KIF12: variants seen among roughly 807,000 people sequenced by gnomAD.
KIF12 encodes kinesin family member 12, also known as kinesin-like protein KIF12.
Under a neutral mutation model 87.9 loss-of-function variants are expected in KIF12, and 80 were observed. That is an observed-to-expected ratio of 0.91 (90% CI 0.76 to 1.10). The LOEUF (loss-of-function observed/expected upper bound fraction) is 1.10. Among genes scored for constraint, KIF12 ranks in the 50% least tolerant of loss-of-function variants. KIF12 has a pLI of 0.00. For synonymous variants in KIF12, 353 were observed against 348.5 expected (o/e 1.01, Z -0.14); for missense variants, 819 against 865.3 (o/e 0.95, Z 0.67).
At chr9:114,093,664 T>C (rs1352722126) in intron 14 of KIF12, among the ~76,000 whole-genome samples, 167 bp from the exon 15 acceptor site, 2 of 152,166 alleles carry the variant, frequency 1.3e-5, no homozygotes, top group Non-Finnish European at 2.9e-5. Context: ...AACAAGCCTA[T>C]AAGTAGGCAC....
rs2134898059 is a variant in KIF12, at chr9:114,096,441, G to A, written c.684C>T (p.Asn228=). Residue 228 remains asparagine, a synonymous_variant, in exon 8 of 19, where the codon AAC becomes AAT. Transcript: ENST00000640217. The part of the protein sequence containing the change: ...SRRRNSAHTL[N]QASSRSHALL... Reference sequence around the variant, plus strand: ...GGGCATGGCTTCGGCTGGAGGCCTGGTTCAGGGTGTGGGCTGAGTTCCTTC... The same window carrying A: ...GGGCATGGCTTCGGCTGGAGGCCTGATTCAGGGTGTGGGCTGAGTTCCTTC... 1 of 1,612,858 alleles carries A rather than the reference G, an allele frequency of 6.2e-7. No individual in the cohort carries two copies. The highest frequency in any genetic ancestry group is 1.7e-4 in the Middle Eastern group (1 of 6,058).
rs564811653 is a variant in KIF12 at position 114,095,118 on chromosome 9, C to G, written c.1024G>C (p.Val342Leu). The G allele has an allele frequency of 1.9e-6, 3 of 1,606,494 alleles. No homozygotes were observed. The Admixed American group carries it at 5.0e-5, about 27-fold the overall frequency. ...GRGVTLMVACVSPSAQCLPET... is the reference protein window; with the variant it reads ...GRGVTLMVACLSPSAQCLPET... Reference sequence around the variant, plus strand: ...GGAAGGCACTGGGCTGAGGGGGACACGCAGGCCACCTGGGGAGTGCACTCC... The same window carrying G: ...GGAAGGCACTGGGCTGAGGGGGACAGGCAGGCCACCTGGGGAGTGCACTCC... Residue 342 changes from valine to leucine, a missense_variant, in exon 11 of 19, where the codon GTG becomes CTG. Transcript: ENST00000640217.
rs766089304 is a variant in KIF12 at position 114,096,718 on chromosome 9, AT to A, written c.647-241del. Among the ~76,000 whole-genome samples the A allele has an allele frequency of 1.6e-4, 24 of 152,100 alleles. 1 individual carries two copies. Among genetic ancestry groups the A allele is most frequent in the East Asian group, 9.6e-4 (5 of 5,186 alleles). On this transcript the variant is annotated intron_variant, in intron 7 of 18. Transcript: ENST00000640217. Reference sequence around the variant, plus strand: ...ACAGTCAGATTTGCATTTTATAAACATCTCTCCCACTGCTTCGTGAAAGGAA... The same window carrying A: ...ACAGTCAGATTTGCATTTTATAAACACTCTCCCACTGCTTCGTGAAAGGAA...
Position 114,095,062 on chromosome 9 carries a change from G to A in KIF12, c.1080C>T (p.Ser360=), listed in dbSNP as rs778963792. Residue 360 remains serine, a synonymous_variant, in exon 11 of 19, where the codon AGC becomes AGT. Coordinates refer to ENST00000640217, the MANE Select transcript of KIF12 (RefSeq NM_001388308.1). Reference sequence around the variant, plus strand: ...GTCGGGTGGTGACCCGCTGAGCTCGGCTTGCATATCGCAGGGTGCTGAGAG... The same window carrying A: ...GTCGGGTGGTGACCCGCTGAGCTCGACTTGCATATCGCAGGGTGCTGAGAG... ...PETLSTLRYA[S]RAQRVTTRPQ... 4.3e-6 allele frequency: 7 copies of A among 1,609,524 alleles called. No homozygotes were observed. The East Asian group carries it at 6.7e-5, about 15-fold the overall frequency.
In KIF12 at chr9:114,096,467, G is replaced by C. The variant is rs1428011980; in HGVS notation, c.658C>G (p.Arg220Gly). Residue 220 changes from arginine to glycine, a missense_variant, in exon 8 of 19, where the codon CGA becomes GGA. By Grantham distance (125) the Arg-to-Gly change is moderately radical. Coordinates refer to ENST00000640217, the MANE Select transcript of KIF12 (RefSeq NM_001388308.1). ...MELLQTGLSRRRNSAHTLNQA... is the reference protein window; with the variant it reads ...MELLQTGLSRGRNSAHTLNQA... ...TTCAGGGTGTGGGCTGAGTTCCTTC[G>C]ACGGCTGAGACCTGGAAGGGAAAAA... is the stretch of plus-strand genomic sequence containing the variant. 3 of 1,609,664 alleles carry C rather than the reference G, an allele frequency of 1.9e-6. No individual in the cohort carries two copies. Among genetic ancestry groups the C allele is most frequent in the Non-Finnish European group, 2.5e-6 (3 of 1,178,162 alleles).
intron 3 of KIF12, 24 bp from the exon 4 acceptor site, chr9:114,098,453 C>CGGGGCACTCTGGAGGAGGGA: frequency 7.1e-7 from 1 of 1,414,420 alleles, no homozygotes; most frequent in Non-Finnish European, 9.2e-7. Flanking sequence ...GGCGGAGGAG[C>CGGGGCACTCTGGAGGAGGGA]GGGGCACTCT....
At position 114,093,301 on chromosome 9, in the gene KIF12, G is replaced by C; in HGVS notation, c.1524C>G (p.Cys508Trp). 6.4e-7 allele frequency: 1 copy of C among 1,560,862 alleles called. No individual in the cohort carries two copies. Among genetic ancestry groups the C allele is most frequent in the Non-Finnish European group, 8.7e-7 (1 of 1,151,762 alleles). Residue 508 changes from cysteine (C) to tryptophan (W), a missense_variant, in exon 16 of 19, where the codon TGC (cysteine) becomes TGG (tryptophan). Transcript: ENST00000640217. Reference protein sequence around the residue: ...ALPPLYSCPCCHICPLCRVPL... With the variant: ...ALPPLYSCPCWHICPLCRVPL... Reference sequence around the variant, plus strand: ...GCACTCGACACAGTGGGCAGATGTGGCAGCAGGGGCAGGAGTAGAGGGGTG... The same window carrying C: ...GCACTCGACACAGTGGGCAGATGTGCCAGCAGGGGCAGGAGTAGAGGGGTG...
rs1397208885 is a variant in KIF12 at position 114,096,173 on chromosome 9, G to T, written c.773C>A (p.Pro258His). The part of the protein sequence containing the change: ...QQMPSVDPGE[P>H]PVGGKLCFVD... ...AAAGCACAGCTTCCCACCAACAGGGGGCTCCCCAGGGTCCACAGAAGGCAT... is the reference window on the plus strand; with the variant it reads ...AAAGCACAGCTTCCCACCAACAGGGTGCTCCCCAGGGTCCACAGAAGGCAT... Residue 258 changes from proline (P) to histidine (H), a missense_variant, in exon 9 of 19, where the codon CCC (proline) becomes CAC (histidine). Pro to His is a moderately conservative substitution (Grantham distance 77). Transcript: ENST00000640217. The T allele has an allele frequency of 3.7e-6, 6 of 1,613,936 alleles. No individual in the cohort carries two copies. The highest frequency in any genetic ancestry group is 5.1e-6 in the Non-Finnish European group (6 of 1,180,016).
intron 17 of KIF12, 33 bp downstream of exon 17, chr9:114,092,509 C>T (rs1554775244): frequency 3.1e-6 from 5 of 1,613,446 alleles, no homozygotes; most frequent in Non-Finnish European, 4.2e-6. Flanking sequence ...CAGACCACCC[C>T]TCTCTGACCT....
Position 114,092,108 on chromosome 9 carries a change from C to T in KIF12, c.1817-108G>A, listed in dbSNP as rs1286871202. ...GAAGCCTCAGGGGGTAGGTACCCTC[C>T]ACCCTTCCCCCCACCCCACCCCCAT... is the stretch of plus-strand genomic sequence containing the variant. On this transcript the variant is annotated intron_variant, in intron 18 of 18. Transcript: ENST00000640217. 4.2e-6 allele frequency: 6 copies of T among 1,444,468 alleles called. No homozygotes were observed. The South Asian group carries it at 4.3e-5, about 10-fold the overall frequency. 89.5% of individuals were successfully genotyped at this position (1,444,468 alleles called of 1,614,324 possible).
intron 3 of KIF12, 142 bp from the exon 4 acceptor site, chr9:114,098,571 T>TGG (rs1847344585): frequency 7.4e-6 from 3 of 403,554 alleles, no homozygotes; most frequent in Non-Finnish European, 1.2e-5. Flanking sequence ...TGGAGAAGGG[T>TGG]AGGGCGCTCG....
chr9:114,095,247 T>G lies in KIF12; in HGVS notation c.981A>C (p.Ala327=), dbSNP rs748750058. 6.2e-6 allele frequency: 10 copies of G among 1,613,958 alleles called. No individual in the cohort carries two copies. The South Asian group carries it at 9.9e-5, about 16-fold the overall frequency. Residue 327 remains alanine, a synonymous_variant, in exon 10 of 19, where the codon GCA becomes GCC. Coordinates refer to ENST00000640217, the MANE Select transcript of KIF12 (RefSeq NM_001388308.1). ...TGACCCCGCGCCCTCCCAGTGAGTC[T>G]GCCAGCAACTTGGTGAGCTTGCTGT... ...FRDSKLTKLL[A]DSLGGRGVTL... is the part of the protein sequence containing the mutation.
At chr9:114,092,896 G>A (rs748277819) in intron 16 of KIF12, 17 of 1,431,570 alleles carry the variant, frequency 1.2e-5, no homozygotes, top group Non-Finnish European at 1.5e-5. Flanking sequence ...TCAGAGCCCA[G>A]AAGAGAGGCT....
chr9:114,095,988 G>T (rs1847208732), intron 9 of KIF12, 63 bp downstream of exon 9: 1 of 1,522,800 alleles, frequency 6.6e-7, no homozygotes. Context: ...CCCCACTGTG[G>T]AGAGCTGTGA....
rs969107070 is a variant in KIF12, at chr9:114,093,050, G to T, written c.1596+179C>A. On this transcript the variant is annotated intron_variant, in intron 16 of 18. Transcript: ENST00000640217. ...GGCCCTGACAGGGCAGGGTGAGGAG[G>T]GGGGAGGGTGAGGCAAACAGCTATT... 2.5e-4 allele frequency: 295 copies of T among 1,171,678 alleles called. 2 individuals are homozygous for T. Among genetic ancestry groups the T allele is most frequent in the Middle Eastern group, 1.7e-3 (6 of 3,492 alleles). 72.6% of individuals were successfully genotyped at this position (1,171,678 alleles called of 1,614,324 possible).
intron 17 of KIF12, 40 bp from the exon 18 acceptor site, chr9:114,092,491 GA>G (rs1422984227): frequency 6.2e-7 from 1 of 1,613,500 alleles, no homozygotes; most frequent in Admixed American, 1.7e-5. Context: ...GTGAGCCTTT[GA>G]GTTCCCCAGA....
intron 3 of KIF12, 88 bp from the exon 4 acceptor site, chr9:114,098,517 A>AC: frequency 5.7e-6 from 5 of 877,084 alleles, no homozygotes; most frequent in Non-Finnish European, 7.7e-6. Context: ...AGGGCGGGGC[A>AC]CGCGGGAGGA....
intron 16 of KIF12, 120 bp from the exon 17 acceptor site, chr9:114,092,762 G>C (rs989713149): frequency 6.7e-7 from 1 of 1,496,294 alleles, no homozygotes; most frequent in African/African-American, 1.4e-5. Flanking sequence ...AAGAATGTCA[G>C]GATGGCATAA....
Position 114,093,423 on chromosome 9 carries a change from G to A in KIF12, c.1475C>T (p.Pro492Leu). ...GAGACTCACATGGCAAGGGGGAGCT[G>A]GGGCCATCAAGCAGGGACACGGTGG... ...LTPPCPCLMA[P>L]APPCHALPPL... The change falls in exon 15 of 19, where the codon CCA (proline) becomes CTA (leucine). Residue 492 changes from proline to leucine, a missense_variant. Pro to Leu is a moderately conservative substitution (Grantham distance 98). Transcript: ENST00000640217. 1 of 1,568,324 alleles carries A rather than the reference G, an allele frequency of 6.4e-7. No individual in the cohort carries two copies. Among genetic ancestry groups the A allele is most frequent in the Non-Finnish European group, 8.6e-7 (1 of 1,156,254 alleles).
Sources: gnomAD v4.1 joint callset for allele counts (sites outside exome capture counted in the v4.1 genomes callset) on GRCh38, gnomAD v4.1.1 for gene constraint, MANE v1.5 for transcripts, NCBI Gene and HGNC (gene_info 2026-07-23, HGNC 2026-07-21) for gene names.